Variants in RAB3C observed in about 807,000 individuals in gnomAD.
RAB3C encodes the protein RAB3C, member RAS oncogene family.
RAB3C carries 17 observed loss-of-function variants against 26.4 expected under a neutral mutation model. The ratio of observed to expected loss-of-function variants is 0.64; its 90% CI spans 0.44 to 0.97. The LOEUF is 0.97. Ranked by LOEUF, RAB3C falls within the 50% of genes least tolerant of loss-of-function variation. The pLI is 0.00. For missense variants in RAB3C, 242 were observed against 281.9 expected, an observed-to-expected ratio of 0.86 and a Z score of 1.01; for synonymous variants, 91 against 95.9, an observed-to-expected ratio of 0.95 and a Z score of 0.30.
chr5:58,675,106 T>C (rs1748195597), intron 2 of RAB3C, among the ~76,000 whole-genome samples: 1 of 152,000 alleles, frequency 6.6e-6, no homozygotes, highest in South Asian at 2.1e-4. Flanking sequence ...ACTTTTCTCA[T>C]GCTCCCCGCA....
At chr5:58,833,324 T>TCACACACACACACA (rs571940681) in intron 4 of RAB3C, among the ~76,000 whole-genome samples, 9,394 of 140,556 alleles carry the variant, frequency 0.067, 415 homozygotes, top group Non-Finnish European at 0.098. Flanking sequence ...ACGGACCCCA[T>TCACACACACACACA]CACACACACA....
chr5:58,624,272 G>C (rs1384140998), intron 2 of RAB3C, among the ~76,000 whole-genome samples: 1 of 152,074 alleles, frequency 6.6e-6, no homozygotes, highest in Admixed American at 6.5e-5. Context: ...ACACAGGGAG[G>C]ATGCCCAACA....
chr5:58,813,822 A>G (rs1743155290), intron 3 of RAB3C, among the ~76,000 whole-genome samples: 1 of 73,514 alleles, frequency 1.4e-5, no homozygotes, highest in Admixed American at 1.1e-4. Context: ...TGAATTTACC[A>G]AGTTACAAAA....
intron 2 of RAB3C, among the ~76,000 whole-genome samples, chr5:58,699,802 G>A (rs191014387): frequency 1.2e-3 from 190 of 152,324 alleles, no homozygotes; most frequent in Non-Finnish European, 1.9e-3. Context: ...CTTGTCTGCC[G>A]GTTTCTAAGA....
intron 2 of RAB3C, among the ~76,000 whole-genome samples, chr5:58,712,850 T>G (rs552646049): frequency 1.3e-5 from 2 of 152,130 alleles, no homozygotes; most frequent in Non-Finnish European, 1.5e-5. Context: ...TTTATTTTTA[T>G]TTTTGAAGAT....
chr5:58,658,880 A>G (rs1055850595), intron 2 of RAB3C, among the ~76,000 whole-genome samples: 7 of 152,210 alleles, frequency 4.6e-5, no homozygotes, highest in Non-Finnish European at 7.3e-5. Context: ...GGGAGGAAGC[A>G]TGCAAGGCTT....
chr5:58,684,754 T>C (rs941905343), intron 2 of RAB3C, among the ~76,000 whole-genome samples: 2 of 152,186 alleles, frequency 1.3e-5, no homozygotes, highest in Non-Finnish European at 2.9e-5. Flanking sequence ...GAAGTCATCA[T>C]AGCAAGATAT....
chr5:58,605,024 G>A (rs1746531045), intron 1 of RAB3C, among the ~76,000 whole-genome samples: 2 of 152,024 alleles, frequency 1.3e-5, no homozygotes, highest in South Asian at 4.2e-4. Flanking sequence ...CTCTTGGCTT[G>A]GCTCTCTAAT....
intron 2 of RAB3C, among the ~76,000 whole-genome samples, chr5:58,720,046 C>T (rs1740711864): frequency 6.6e-6 from 1 of 151,888 alleles, no homozygotes; most frequent in South Asian, 2.1e-4. Context: ...TTCTGGGGGA[C>T]ACAATACAAC....
At chr5:58,821,265 A>G (rs1389724853) in intron 3 of RAB3C, among the ~76,000 whole-genome samples, 1 of 152,160 alleles carries the variant, frequency 6.6e-6, no homozygotes, top group Non-Finnish European at 1.5e-5. Flanking sequence ...CCAGGATGAG[A>G]ACTTTTTCTG....
chr5:58,617,683 C>T lies in RAB3C; in HGVS notation c.65C>T (p.Ser22Phe), dbSNP rs752838893. The T allele has an allele frequency of 1.9e-6, 3 of 1,613,928 alleles. No homozygotes were observed. The highest frequency in any genetic ancestry group is 1.1e-5 in the South Asian group (1 of 91,070). The change falls in exon 2 of 5, where the codon TCC becomes TTC. Residue 22 changes from serine to phenylalanine, a missense_variant. Coordinates refer to ENST00000282878, the MANE Select transcript of RAB3C (RefSeq NM_138453.4). ...GATGCCAGGTACGGCCAGAAAGACT[C>T]CTCTGATCAGAACTTTGACTACATG... Reference protein sequence around the residue: ...AQDARYGQKDSSDQNFDYMFK... With the variant: ...AQDARYGQKDFSDQNFDYMFK...
chr5:58,616,815 A>G (rs1746834087), intron 1 of RAB3C, among the ~76,000 whole-genome samples: 1 of 152,116 alleles, frequency 6.6e-6, no homozygotes, highest in Admixed American at 6.6e-5. Context: ...GCATTTCACA[A>G]TGAATATTTC....
intron 3 of RAB3C, among the ~76,000 whole-genome samples, chr5:58,765,729 G>A (rs112133262): frequency 0.016 from 2,407 of 152,046 alleles, 29 homozygotes; most frequent in Non-Finnish European, 0.022. Flanking sequence ...TATCTAATCC[G>A]TCACATTGAT....
intron 2 of RAB3C, among the ~76,000 whole-genome samples, chr5:58,677,044 C>G (rs1011945056): frequency 1.3e-5 from 2 of 152,106 alleles, no homozygotes. Context: ...CCCTCTTAAG[C>G]CTCTAGGGAA....
intron 3 of RAB3C, among the ~76,000 whole-genome samples, chr5:58,789,936 G>A (rs151175113): frequency 9.2e-5 from 14 of 152,096 alleles, no homozygotes; most frequent in African/African-American, 3.1e-4. Flanking sequence ...AAATAGTTAC[G>A]TCTAATCTCC....
At chr5:58,662,934 T>C (rs1747933420) in intron 2 of RAB3C, among the ~76,000 whole-genome samples, 1 of 150,432 alleles carries the variant, frequency 6.6e-6, no homozygotes, top group Non-Finnish European at 1.5e-5. Context: ...TGCATGTAAG[T>C]TTTAACACAA....
At chr5:58,730,683 G>A (rs1740994495) in intron 3 of RAB3C, among the ~76,000 whole-genome samples, 2 of 152,186 alleles carry the variant, frequency 1.3e-5, no homozygotes, top group South Asian at 2.1e-4. Flanking sequence ...CTTGCTGACT[G>A]TGATTTCTCC....
intron 3 of RAB3C, among the ~76,000 whole-genome samples, chr5:58,785,665 CA>C (rs1437517728): frequency 6.6e-6 from 1 of 152,156 alleles, no homozygotes; most frequent in Non-Finnish European, 1.5e-5. Flanking sequence ...TGCCTCCACA[CA>C]AGGTGTTCAC....
chr5:58,619,495 A>C (rs938562824), intron 2 of RAB3C, among the ~76,000 whole-genome samples: 1 of 152,190 alleles, frequency 6.6e-6, no homozygotes, highest in Non-Finnish European at 1.5e-5. Flanking sequence ...TGGTGAATGG[A>C]AAATTAAATT....
Sources: allele counts gnomAD v4.1 joint callset (sites outside exome capture counted in the v4.1 genomes callset), GRCh38; gene constraint gnomAD v4.1.1; transcripts MANE v1.5; gene names NCBI Gene and HGNC (gene_info 2026-07-23, HGNC 2026-07-21).